Variants in STK26 observed in about 807,000 individuals in gnomAD.
STK26 encodes serine/threonine-protein kinase 26.
A neutral mutation model predicts 34.7 loss-of-function variants in STK26; 14 were observed. The observed-to-expected ratio is 0.40, with a 90% CI of 0.27 to 0.63. The LOEUF (loss-of-function observed/expected upper bound fraction) is 0.63. Ranked by LOEUF, STK26 falls within the 30% of genes least tolerant of loss-of-function variation. The pLI is 0.38. For synonymous variants in STK26, 100 were observed against 109.8 expected (o/e 0.91, Z 0.56); for missense variants, 226 against 309.1 (o/e 0.73, Z 2.02).
At chrX:132,057,030 C>T (rs1926883530) in intron 3 of STK26, among the ~76,000 whole-genome samples, 1 of 111,675 alleles carries the variant, frequency 9.0e-6, no homozygotes, top group African/African-American at 3.3e-5. Flanking sequence ...GGCTCCGGGG[C>T]CCTGGGGTGT....
In STK26 at chrX:132,044,665, CGA is replaced by C. The variant is rs1487891309; in HGVS notation, c.43-9963_43-9962del. Among the ~76,000 whole-genome samples, 9 of 64,931 alleles carry C rather than the reference CGA, an allele frequency of 1.4e-4. No individual in the cohort carries two copies. In the South Asian group the frequency reaches 2.3e-3, roughly 17 times the overall value. 56.4% of individuals were successfully genotyped at this position (64,931 alleles called of 115,157 possible). A position where few individuals can be genotyped will look rare whatever the true frequency, so the allele number is the denominator to read the frequency against. ...TCTCTCTCTCTCTCTCTCTCTCTCT[CGA>C]GATCTATATATATATATATATAGAG... On this transcript the variant is annotated intron_variant, in intron 2 of 11. Coordinates refer to ENST00000394334, the MANE Select transcript of STK26 (RefSeq NM_016542.4).
Position 132,069,511 on chromosome X carries a change from G to C in STK26, c.631G>C (p.Glu211Gln). 1 of 1,091,399 alleles carries C rather than the reference G, an allele frequency of 9.2e-7. No individual in the cohort carries two copies. Among genetic ancestry groups the C allele is most frequent in the Admixed American group, 2.9e-5 (1 of 34,922 alleles). The allele number at this position is 1,091,399 out of a possible 1,213,427, so 89.9% of individuals were successfully genotyped here. ...TTGGTCATTGGGAATTACTGCTATT[G>C]AACTAGCCAAGGGAGAGCCACCTAA... ...DIWSLGITAI[E>Q]LAKGEPPNSD... The change falls in exon 7 of 12, where the codon GAA becomes CAA. Residue 211 changes from glutamate to glutamine, a missense_variant. Transcript: ENST00000394334.
intron 6 of STK26, among the ~76,000 whole-genome samples, chrX:132,069,187 G>A (rs950555349): frequency 2.8e-5 from 3 of 107,061 alleles, no homozygotes; most frequent in Admixed American, 1.0e-4. Context: ...TTAAGAGCAG[G>A]GATTTTTGTC....
chrX:132,068,626 A>T (rs1927298709), intron 6 of STK26, 57 bp downstream of exon 6: 1 of 1,082,272 alleles, frequency 9.2e-7, no homozygotes, highest in African/African-American at 1.8e-5. Context: ...TATATGGCAC[A>T]CTATCCTAGT....
intron 2 of STK26, among the ~76,000 whole-genome samples, chrX:132,028,706 T>A (rs1270975348): frequency 9.1e-6 from 1 of 110,094 alleles, no homozygotes; most frequent in African/African-American, 3.3e-5. Flanking sequence ...AAAGTAAGGG[T>A]GGCTTTAAGA....
chrX:132,027,804 C>G (rs775693092), intron 2 of STK26, among the ~76,000 whole-genome samples: 1 of 110,938 alleles, frequency 9.0e-6, no homozygotes, highest in South Asian at 3.8e-4. Flanking sequence ...AATGAATCAA[C>G]TGGAGGATTG....
intron 2 of STK26, among the ~76,000 whole-genome samples, chrX:132,050,613 A>G (rs997786498): frequency 5.4e-5 from 6 of 112,137 alleles, no homozygotes; most frequent in South Asian, 3.7e-4. Flanking sequence ...GTGAACCTAT[A>G]CAGTTAAAAC....
chrX:132,053,221 A>T (rs1283384075), intron 2 of STK26, among the ~76,000 whole-genome samples: 1 of 112,045 alleles, frequency 8.9e-6, no homozygotes, highest in African/African-American at 3.2e-5. Context: ...GGGATACACA[A>T]GTAGCTTGCA....
chrX:132,064,884 A>AAAAGGCTTT (rs1915066731), intron 4 of STK26, among the ~76,000 whole-genome samples: 1 of 112,048 alleles, frequency 8.9e-6, no homozygotes, highest in Admixed American at 9.4e-5. Context: ...AAATATTTTT[A>AAAAGGCTTT]AAAGGCTTTA....
intron 9 of STK26, 40 bp from the exon 10 acceptor site, chrX:132,072,773 T>C: frequency 2.6e-6 from 3 of 1,156,496 alleles, no homozygotes; most frequent in Non-Finnish European, 3.5e-6. Flanking sequence ...ATGACACTTA[T>C]TTTAATTTCA....
chrX:132,054,656 T>A lies in STK26; in HGVS notation c.68T>A (p.Leu23Gln). Residue 23 changes from leucine (L) to glutamine (Q), a missense_variant, in exon 3 of 12, where the codon CTG becomes CAG. By Grantham distance (113) the Leu-to-Gln change is moderately radical. This residue lies in a region of STK26 where 100 missense variants were observed against 176.7 expected (regional missense o/e 0.57). Transcript: ENST00000394334. ...MQNNIADPEE[L>Q]FTKLERIGKG... ...AATAACATAGCTGATCCAGAAGAAC[T>A]GTTCACAAAATTAGAGCGCATTGGG... The A allele has an allele frequency of 1.7e-6, 2 of 1,211,345 alleles. No homozygotes were observed. The highest frequency in any genetic ancestry group is 2.2e-6 in the Non-Finnish European group (2 of 895,077).
intron 2 of STK26, among the ~76,000 whole-genome samples, chrX:132,028,991 C>T (rs1311057733): frequency 8.9e-6 from 1 of 112,263 alleles, no homozygotes; most frequent in East Asian, 2.8e-4. Context: ...GTTGAATATG[C>T]TAATGATAAT....
intron 4 of STK26, 121 bp downstream of exon 4, chrX:132,063,610 T>A: frequency 1.7e-6 from 1 of 579,091 alleles, no homozygotes; most frequent in Non-Finnish European, 2.7e-6. Context: ...GTTAATATGT[T>A]CAAATTAAAT....
intron 2 of STK26, 75 bp downstream of exon 2, chrX:132,023,734 G>C: frequency 9.0e-7 from 1 of 1,109,456 alleles, no homozygotes; most frequent in Non-Finnish European, 1.2e-6. Flanking sequence ...GCTGGGCACC[G>C]GCGACAAGGG....
At chrX:132,041,877 A>G (rs988706592) in intron 2 of STK26, among the ~76,000 whole-genome samples, 2 of 111,937 alleles carry the variant, frequency 1.8e-5, no homozygotes, top group Non-Finnish European at 3.8e-5. Context: ...ATCAACTAAT[A>G]TAATGCTTTA....
intron 8 of STK26, among the ~76,000 whole-genome samples, chrX:132,072,017 G>A (rs1438532035): frequency 9.0e-6 from 1 of 111,728 alleles, no homozygotes; most frequent in African/African-American, 3.3e-5. Flanking sequence ...TAGGTGGGGA[G>A]TAGTGAGGGA....
chrX:132,045,836 GTTA>G (rs1158801886), intron 2 of STK26, among the ~76,000 whole-genome samples: 1 of 111,836 alleles, frequency 8.9e-6, no homozygotes, highest in Non-Finnish European at 1.9e-5. Context: ...CACAAAATTA[GTTA>G]TTTCTTTTCA....
chrX:132,028,145 G>A (rs1294357055), intron 2 of STK26, among the ~76,000 whole-genome samples: 1 of 108,074 alleles, frequency 9.3e-6, no homozygotes, highest in Non-Finnish European at 1.9e-5. Flanking sequence ...GATTACAGGC[G>A]TGAGCTACTG....
chrX:132,064,736 T>A (rs1439087776), intron 4 of STK26, among the ~76,000 whole-genome samples: 1 of 111,150 alleles, frequency 9.0e-6, no homozygotes, highest in Admixed American at 9.6e-5. Flanking sequence ...AATATTATAT[T>A]TTTTTTATTT....
Sources: allele counts gnomAD v4.1 joint callset (sites outside exome capture counted in the v4.1 genomes callset), GRCh38; gene constraint gnomAD v4.1.1; regional missense constraint gnomAD v4.1.1; transcripts MANE v1.5; gene names NCBI Gene and HGNC (gene_info 2026-07-23, HGNC 2026-07-21).